The following ARMC2 variants were observed in gnomAD, a reference collection of about 807,000 sequenced individuals.
ARMC2 encodes armadillo repeat containing 2, also known as armadillo repeat-containing protein 2.
ARMC2 carries 67 observed loss-of-function variants against 90.3 expected under a neutral mutation model. That is an observed-to-expected ratio of 0.74 (90% CI 0.61 to 0.91). ARMC2 has a LOEUF of 0.91. Ranked by LOEUF, ARMC2 falls within the 40% of genes least tolerant of loss-of-function variation. The pLI is 0.00. For missense variants in ARMC2, 920 were observed against 1,030.9 expected (o/e 0.89, Z 1.47); for synonymous variants, 393 against 393.0 (o/e 1.00, Z 0.00).
At chr6:108,921,093 G>T (rs1774517622) in intron 10 of ARMC2, among the ~76,000 whole-genome samples, 1 of 152,176 alleles carries the variant, frequency 6.6e-6, no homozygotes, top group Non-Finnish European at 1.5e-5. Flanking sequence ...ATATAATTGT[G>T]AATAGTGGTT....
intron 4 of ARMC2, among the ~76,000 whole-genome samples, chr6:108,871,690 CAT>C (rs1415805884): frequency 3.9e-5 from 6 of 152,140 alleles, no homozygotes; most frequent in African/African-American, 1.4e-4. Flanking sequence ...CTTTGCCCAC[CAT>C]CCCCCTCCTC....
At position 108,930,753 on chromosome 6, in the gene ARMC2, G is replaced by A. The variant is rs1297017881; in HGVS notation, c.1496+2520G>A. Among the ~76,000 whole-genome samples the A allele has an allele frequency of 3.3e-5, 5 of 151,396 alleles. No individual in the cohort carries two copies. In the East Asian group the frequency reaches 5.8e-4, roughly 18 times the overall value. On this transcript the variant is annotated intron_variant, in intron 11 of 17. Coordinates refer to ENST00000392644, the MANE Select transcript of ARMC2 (RefSeq NM_032131.6). ...CTGGGACTACAGGCACCCACACCAC[G>A]CCCAGCTAATTTTTTGTATTTTTAG...
At chr6:108,909,610 A>ACTGCAACCTCCGCCTCC (rs1188852173) in intron 8 of ARMC2, among the ~76,000 whole-genome samples, 1 of 152,126 alleles carries the variant, frequency 6.6e-6, no homozygotes, top group Non-Finnish European at 1.5e-5. Context: ...ATCTCGGCTC[A>ACTGCAACCTCCGCCTCC]CTGCAACCTC....
chr6:108,976,430 A>C (rs957405743), downstream of ARMC2, among the ~76,000 whole-genome samples: 2 of 152,280 alleles, frequency 1.3e-5, no homozygotes, highest in African/African-American at 2.4e-5. Flanking sequence ...GTTTGAAGTC[A>C]GGTAGCATGA....
chr6:109,038,710 ACCTT>A, the ARMC2 span, among the ~76,000 whole-genome samples: 1 of 152,342 alleles, frequency 6.6e-6, no homozygotes, highest in Non-Finnish European at 1.5e-5. Context: ...TTTCTGCCCT[ACCTT>A]AAGAAATTTT....
the ARMC2 span, among the ~76,000 whole-genome samples, chr6:108,989,783 G>A: frequency 6.6e-6 from 1 of 152,122 alleles, no homozygotes; most frequent in Admixed American, 6.5e-5. Flanking sequence ...CAAGATGGCT[G>A]CATGCACCAG....
At chr6:108,964,462 C>A in intron 16 of ARMC2, 150 bp downstream of exon 16, 1 of 927,342 alleles carries the variant, frequency 1.1e-6, no homozygotes, top group Non-Finnish European at 1.6e-6. Context: ...GGTTTAGATT[C>A]CACTGGATAC....
At chr6:108,889,291 G>A (rs1178127180) in intron 5 of ARMC2, among the ~76,000 whole-genome samples, 4 of 150,694 alleles carry the variant, frequency 2.7e-5, no homozygotes, top group African/African-American at 7.5e-5. Flanking sequence ...AATTACAGGC[G>A]CCCGCCACCA....
chr6:109,050,651 T>C, the ARMC2 span, among the ~76,000 whole-genome samples: 1 of 152,148 alleles, frequency 6.6e-6, no homozygotes, highest in South Asian at 2.1e-4. Flanking sequence ...TCCCTCCCAT[T>C]CCTAAATCAA....
At chr6:108,852,746 A>G (rs1303158133) in intron 1 of ARMC2, among the ~76,000 whole-genome samples, 3 of 152,104 alleles carry the variant, frequency 2.0e-5, no homozygotes, top group Non-Finnish European at 2.9e-5. Flanking sequence ...GGCAAACCTG[A>G]TTTAGGCTCT....
At chr6:108,937,979 C>T (rs192952317) in intron 12 of ARMC2, among the ~76,000 whole-genome samples, 28 of 152,260 alleles carry the variant, frequency 1.8e-4, no homozygotes, top group African/African-American at 6.0e-4. Flanking sequence ...GGATTATAGG[C>T]GTGAGCCACT....
chr6:109,000,671 A>G, the ARMC2 span: 1 of 1,569,188 alleles, frequency 6.4e-7, no homozygotes, highest in Non-Finnish European at 8.6e-7. Context: ...GTCTTGCCGC[A>G]GCCTTAAAAC....
the ARMC2 span, among the ~76,000 whole-genome samples, chr6:109,021,039 C>T: frequency 2.6e-5 from 4 of 152,114 alleles, no homozygotes. Context: ...TGCTCTGTTA[C>T]CCAGGCAGTA....
chr6:109,032,621 G>A, the ARMC2 span, among the ~76,000 whole-genome samples: 12 of 151,882 alleles, frequency 7.9e-5, no homozygotes, highest in African/African-American at 2.9e-4. Flanking sequence ...TCATCTCGTG[G>A]GGGGAGTGGG....
At chr6:108,890,410 A>G (rs1029911948) in intron 5 of ARMC2, among the ~76,000 whole-genome samples, 2 of 152,024 alleles carry the variant, frequency 1.3e-5, no homozygotes, top group African/African-American at 4.8e-5. Flanking sequence ...TACTAAGCAG[A>G]GTCATTGCAT....
chr6:108,889,875 T>C (rs1429412989), intron 5 of ARMC2, among the ~76,000 whole-genome samples: 1 of 151,832 alleles, frequency 6.6e-6, no homozygotes, highest in Admixed American at 6.6e-5. Context: ...AACAACTCTA[T>C]TGGACTTTTC....
the ARMC2 span, among the ~76,000 whole-genome samples, chr6:109,016,786 T>C: frequency 6.6e-6 from 1 of 152,210 alleles, no homozygotes; most frequent in Non-Finnish European, 1.5e-5. Flanking sequence ...ATGTATGCTT[T>C]TTACAGGAAT....
the ARMC2 span, among the ~76,000 whole-genome samples, chr6:109,046,187 C>A: frequency 1.3e-5 from 2 of 151,140 alleles, no homozygotes; most frequent in African/African-American, 4.8e-5. Context: ...TCACTGCAAC[C>A]TCCCTGCCTG....
intron 5 of ARMC2, among the ~76,000 whole-genome samples, chr6:108,884,278 A>G (rs963665440): frequency 3.9e-5 from 6 of 152,188 alleles, no homozygotes; most frequent in Non-Finnish European, 8.8e-5. Context: ...GACCAGCAGC[A>G]TCAGCATCCC....
Sources: allele counts gnomAD v4.1 joint callset (sites outside exome capture counted in the v4.1 genomes callset), GRCh38; gene constraint gnomAD v4.1.1; transcripts MANE v1.5; gene names NCBI Gene and HGNC (gene_info 2026-07-23, HGNC 2026-07-21).